SCOC: variants seen among roughly 807,000 people sequenced by gnomAD.
SCOC encodes short coiled coil protein.
SCOC carries 7 observed loss-of-function variants against 9.9 expected under a neutral mutation model. The ratio of observed to expected loss-of-function variants is 0.71; its 90% CI spans 0.40 to 1.33. The LOEUF (loss-of-function observed/expected upper bound fraction) is 1.33, where lower values mean the gene tolerates loss of function less well. Among genes scored for constraint, SCOC ranks in the 40% most tolerant of loss-of-function variants. The pLI, the probability that SCOC is intolerant of heterozygous loss-of-function variation, is 0.01. For missense variants in SCOC, 66 were observed against 89.7 expected (o/e 0.74, Z 1.07); for synonymous variants, 19 against 28.2 (o/e 0.67, Z 1.03).
At chr4:140,289,660 T>C (rs535497694) in intron 1 of SCOC, among the ~76,000 whole-genome samples, 2 of 152,282 alleles carry the variant, frequency 1.3e-5, no homozygotes, top group East Asian at 1.9e-4. Flanking sequence ...AAATGGTCCA[T>C]TGGGCTCCTT....
In SCOC at chr4:140,338,228, G is replaced by C. The variant is rs1323648546; in HGVS notation, c.-18-5393G>C. ...GATTATCTCAATAGATGCAGAAAAG[G>C]CCTTCAACAAAATTCAACAGCCCTT... On this transcript the variant is annotated intron_variant, in intron 1 of 4. Transcript: ENST00000394205. Among the ~76,000 whole-genome samples the C allele has an allele frequency of 5.3e-5, 8 of 152,186 alleles. No homozygotes were observed. The East Asian group carries it at 1.5e-3, about 29-fold the overall frequency.
intron 1 of SCOC, among the ~76,000 whole-genome samples, chr4:140,320,894 C>T (rs180678453): frequency 1.5e-3 from 235 of 152,284 alleles, no homozygotes; most frequent in Admixed American, 4.5e-3. Context: ...GCAGGAGCCA[C>T]TGAGACCCAG....
intron 2 of SCOC, among the ~76,000 whole-genome samples, chr4:140,360,176 A>G (rs1398334430): frequency 1.3e-5 from 2 of 152,254 alleles, no homozygotes; most frequent in African/African-American, 4.8e-5. Context: ...TTCCACAAGT[A>G]GAGAATGTTA....
At chr4:140,269,291 T>C (rs1286764565) in intron 1 of SCOC, among the ~76,000 whole-genome samples, 2 of 152,136 alleles carry the variant, frequency 1.3e-5, no homozygotes, top group Non-Finnish European at 2.9e-5. Context: ...TGACGACCAA[T>C]AGTGTACAGT....
upstream of SCOC, among the ~76,000 whole-genome samples, chr4:140,370,411 T>C (rs1728001269): frequency 6.6e-6 from 1 of 152,226 alleles, no homozygotes; most frequent in Admixed American, 6.5e-5. Context: ...TCTATATCAA[T>C]AGTTCAGAAA....
intron 1 of SCOC, among the ~76,000 whole-genome samples, chr4:140,325,834 A>G (rs2126487818): frequency 6.6e-6 from 1 of 152,332 alleles, no homozygotes; most frequent in East Asian, 1.9e-4. Flanking sequence ...CAAGGCATTT[A>G]TCCAAATGAG....
intron 2 of SCOC, among the ~76,000 whole-genome samples, chr4:140,354,517 T>G (rs1478531395): frequency 6.7e-6 from 1 of 149,802 alleles, no homozygotes; most frequent in Non-Finnish European, 1.5e-5. Context: ...AACTTTTTTT[T>G]TTTTTTTTTT....
intron 1 of SCOC, among the ~76,000 whole-genome samples, chr4:140,299,121 T>A (rs568725813): frequency 2.1e-4 from 32 of 152,332 alleles, no homozygotes; most frequent in African/African-American, 6.7e-4. Context: ...TCCAGCTTTT[T>A]AAAAAAATTT....
chr4:140,303,087 A>G (rs1329147372), intron 1 of SCOC, among the ~76,000 whole-genome samples: 1 of 152,160 alleles, frequency 6.6e-6, no homozygotes, highest in African/African-American at 2.4e-5. Context: ...GGGTCCTGAA[A>G]TCTAGACCAG....
intron 1 of SCOC, chr4:140,374,311 T>G (rs1449258249): frequency 2.6e-6 from 1 of 382,932 alleles, no homozygotes; most frequent in African/African-American, 2.1e-5. Flanking sequence ...GATACATTCC[T>G]GAAAGGCAGG....
intron 1 of SCOC, among the ~76,000 whole-genome samples, chr4:140,302,932 A>G (rs982755307): frequency 7.9e-5 from 12 of 152,230 alleles, no homozygotes; most frequent in African/African-American, 2.9e-4. Context: ...GAAATGCTCA[A>G]TGATGACATT....
intron 1 of SCOC, among the ~76,000 whole-genome samples, chr4:140,268,709 G>T (rs1730781306): frequency 6.6e-6 from 1 of 152,170 alleles, no homozygotes; most frequent in African/African-American, 2.4e-5. Flanking sequence ...GCGTCATTCA[G>T]ACTGCTGGTG....
At chr4:140,299,229 C>A (rs1731743704) in intron 1 of SCOC, among the ~76,000 whole-genome samples, 1 of 152,176 alleles carries the variant, frequency 6.6e-6, no homozygotes, top group Non-Finnish European at 1.5e-5. Flanking sequence ...CAATTGATTT[C>A]ATTTTAAAAA....
At chr4:140,337,566 T>C (rs1354617333) in intron 1 of SCOC, among the ~76,000 whole-genome samples, 1 of 151,764 alleles carries the variant, frequency 6.6e-6, no homozygotes, top group Non-Finnish European at 1.5e-5. Context: ...ACTAAGATAA[T>C]TAAATGTAGA....
At chr4:140,375,614 G>A (rs777789456) in intron 1 of SCOC, among the ~76,000 whole-genome samples, 1 of 152,166 alleles carries the variant, frequency 6.6e-6, no homozygotes, top group Non-Finnish European at 1.5e-5. Flanking sequence ...GATCGTCTTT[G>A]GTCACAGGTG....
chr4:140,265,518 A>G (rs1221363190), intron 1 of SCOC, among the ~76,000 whole-genome samples: 1 of 152,214 alleles, frequency 6.6e-6, no homozygotes, highest in Non-Finnish European at 1.5e-5. Context: ...CACGTGGTGG[A>G]AGACTTATGG....
chr4:140,316,420 T>C (rs956993455), intron 1 of SCOC, among the ~76,000 whole-genome samples: 5 of 152,242 alleles, frequency 3.3e-5, no homozygotes, highest in African/African-American at 1.2e-4. Flanking sequence ...TTTCAATCTA[T>C]GTATATAGCA....
chr4:140,346,123 C>T (rs1726727513), intron 2 of SCOC, among the ~76,000 whole-genome samples: 1 of 152,188 alleles, frequency 6.6e-6, no homozygotes, highest in African/African-American at 2.4e-5. Flanking sequence ...GCACCCTTCT[C>T]ATCTTACAGT....
intron 1 of SCOC, among the ~76,000 whole-genome samples, chr4:140,280,575 T>C (rs943712427): frequency 8.5e-5 from 13 of 152,230 alleles, no homozygotes; most frequent in Non-Finnish European, 1.5e-5. Context: ...CAGTCATTGC[T>C]TATTTAATGA....
Sources: allele counts gnomAD v4.1 joint callset (sites outside exome capture counted in the v4.1 genomes callset), GRCh38; gene constraint gnomAD v4.1.1; transcripts MANE v1.5; gene names NCBI Gene and HGNC (gene_info 2026-07-23, HGNC 2026-07-21).